ADGRB3: variants seen among roughly 807,000 people sequenced by gnomAD.
The protein encoded by ADGRB3 is adhesion G protein-coupled receptor B3, also known as brain-specific angiogenesis inhibitor 3.
ADGRB3 carries 37 observed loss-of-function variants against 193.4 expected under a neutral mutation model. That is an observed-to-expected ratio of 0.19 (90% CI 0.15 to 0.25). The LOEUF is 0.25. ADGRB3 is among the 10% of genes least tolerant of loss of function. The pLI is 1.00. For synonymous variants in ADGRB3, 690 were observed against 644.2 expected, an observed-to-expected ratio of 1.07 and a Z score of -1.08; for missense variants, 1,637 against 1,852.9, an observed-to-expected ratio of 0.88 and a Z score of 2.14.
chr6:69,339,284 C>T, intron 25 of ADGRB3, 49 bp from the exon 26 acceptor site: 1 of 1,589,328 alleles, frequency 6.3e-7, no homozygotes, highest in Non-Finnish European at 8.6e-7. Context: ...TGGCTATGGC[C>T]TGGGGTGTGA....
At chr6:69,022,812 G>T (rs1397997744) in intron 13 of ADGRB3, among the ~76,000 whole-genome samples, 2 of 151,980 alleles carry the variant, frequency 1.3e-5, no homozygotes, top group Admixed American at 1.3e-4. Context: ...GCTGTTTGCA[G>T]TTCCAAATAC....
chr6:68,840,818 G>T (rs1768143197), intron 3 of ADGRB3, among the ~76,000 whole-genome samples: 1 of 152,034 alleles, frequency 6.6e-6, no homozygotes, highest in Non-Finnish European at 1.5e-5. Context: ...GTAGACAAAT[G>T]GATAAAAAAC....
At chr6:68,738,353 G>T (rs1210924314) in intron 3 of ADGRB3, among the ~76,000 whole-genome samples, 4 of 151,602 alleles carry the variant, frequency 2.6e-5, no homozygotes, top group African/African-American at 9.8e-5. Context: ...ACTGACTGGA[G>T]GATTTTCTGT....
intron 17 of ADGRB3, among the ~76,000 whole-genome samples, chr6:69,141,567 G>A (rs1774343636): frequency 6.6e-6 from 1 of 152,102 alleles, no homozygotes; most frequent in African/African-American, 2.4e-5. Context: ...GGCTGTTTTG[G>A]AGGGTACCTA....
intron 27 of ADGRB3, 37 bp from the exon 28 acceptor site, chr6:69,355,784 A>T: frequency 6.4e-7 from 1 of 1,552,356 alleles, no homozygotes; most frequent in Non-Finnish European, 8.9e-7. Flanking sequence ...GGTCTTCATT[A>T]AATGATGGTT....
At chr6:69,368,529 A>G (rs954327239) in intron 29 of ADGRB3, among the ~76,000 whole-genome samples, 1 of 152,110 alleles carries the variant, frequency 6.6e-6, no homozygotes, top group Non-Finnish European at 1.5e-5. Context: ...AGGCAGGAGG[A>G]ATAAAAGATG....
intron 3 of ADGRB3, among the ~76,000 whole-genome samples, chr6:68,881,633 C>A (rs1765735710): frequency 6.6e-6 from 1 of 152,144 alleles, no homozygotes; most frequent in Admixed American, 6.6e-5. Context: ...CAGTCGGGAA[C>A]AAGTGGCTAT....
At chr6:69,080,167 T>C (rs942839928) in intron 17 of ADGRB3, among the ~76,000 whole-genome samples, 1 of 152,092 alleles carries the variant, frequency 6.6e-6, no homozygotes, top group Non-Finnish European at 1.5e-5. Flanking sequence ...GTATAACTCC[T>C]AGCAAATATA....
At chr6:69,280,258 T>A (rs1767407413) in intron 20 of ADGRB3, among the ~76,000 whole-genome samples, 2 of 152,188 alleles carry the variant, frequency 1.3e-5, no homozygotes, top group African/African-American at 4.8e-5. Flanking sequence ...CTTGTGGCTA[T>A]CAAGTTTTAA....
At chr6:69,300,662 T>C (rs1767931009) in intron 20 of ADGRB3, among the ~76,000 whole-genome samples, 1 of 151,818 alleles carries the variant, frequency 6.6e-6, no homozygotes, top group South Asian at 2.1e-4. Context: ...AGCATTTACA[T>C]ATGCTACTGG....
chr6:68,917,721 T>C (rs1259763238), intron 3 of ADGRB3, among the ~76,000 whole-genome samples: 1 of 152,176 alleles, frequency 6.6e-6, no homozygotes, highest in Non-Finnish European at 1.5e-5. Flanking sequence ...CAATCTTCAC[T>C]CTCCTTCTCA....
chr6:69,337,287 T>C (rs1365645880), intron 24 of ADGRB3, among the ~76,000 whole-genome samples: 1 of 152,172 alleles, frequency 6.6e-6, no homozygotes, highest in Non-Finnish European at 1.5e-5. Flanking sequence ...AAACAATATA[T>C]AACTAATCCA....
chr6:68,756,125 G>A (rs558565989), intron 3 of ADGRB3, among the ~76,000 whole-genome samples: 3 of 151,960 alleles, frequency 2.0e-5, no homozygotes, highest in Non-Finnish European at 2.9e-5. Context: ...TAGCTAACTC[G>A]GCTGTGGGAA....
At chr6:69,040,222 T>C (rs1484729398) in intron 13 of ADGRB3, among the ~76,000 whole-genome samples, 1 of 152,138 alleles carries the variant, frequency 6.6e-6, no homozygotes, top group East Asian at 1.9e-4. Context: ...TTCTTCTTCT[T>C]ATCAGGCATT....
At chr6:68,852,660 T>A (rs1017100148) in intron 3 of ADGRB3, among the ~76,000 whole-genome samples, 1 of 152,018 alleles carries the variant, frequency 6.6e-6, no homozygotes, top group Non-Finnish European at 1.5e-5. Flanking sequence ...TTTAATAGGA[T>A]CCTTCTAGGA....
At chr6:68,955,651 G>T (rs1436345193) in intron 6 of ADGRB3, among the ~76,000 whole-genome samples, 3 of 152,060 alleles carry the variant, frequency 2.0e-5, no homozygotes, top group African/African-American at 7.2e-5. Context: ...TTATTTTGGG[G>T]TGTGGTGACA....
intron 3 of ADGRB3, among the ~76,000 whole-genome samples, chr6:68,757,461 T>C (rs1295702997): frequency 1.3e-5 from 2 of 152,272 alleles, no homozygotes; most frequent in African/African-American, 4.8e-5. Flanking sequence ...TGACTGACTT[T>C]TAGTTTAAGA....
At chr6:68,758,424 A>G (rs1766337110) in intron 3 of ADGRB3, among the ~76,000 whole-genome samples, 1 of 152,160 alleles carries the variant, frequency 6.6e-6, no homozygotes, top group East Asian at 1.9e-4. Context: ...TTCCATTAAC[A>G]GTAAGAAAAC....
intron 20 of ADGRB3, among the ~76,000 whole-genome samples, chr6:69,267,943 T>A (rs1032693214): frequency 4.6e-5 from 7 of 152,132 alleles, no homozygotes; most frequent in African/African-American, 7.2e-5. Flanking sequence ...TTCAGTGAAC[T>A]TTTTGTGTGG....
Sources: gnomAD v4.1 joint callset for allele counts (sites outside exome capture counted in the v4.1 genomes callset) on GRCh38, gnomAD v4.1.1 for gene constraint, MANE v1.5 for transcripts, NCBI Gene and HGNC (gene_info 2026-07-23, HGNC 2026-07-21) for gene names.